ZC2HC1A: variants seen among roughly 807,000 people sequenced by gnomAD.
The protein encoded by ZC2HC1A is zinc finger C2HC-type containing 1A.
A neutral mutation model predicts 40.7 loss-of-function variants in ZC2HC1A; 28 were observed. The observed-to-expected ratio is 0.69, with a 90% CI of 0.51 to 0.94. ZC2HC1A has a LOEUF of 0.94. Ranked by LOEUF, ZC2HC1A falls within the 40% of genes least tolerant of loss-of-function variation. The probability of loss-of-function intolerance (pLI) is 0.00; values close to 1 mark genes in which losing one functional copy is unlikely to be tolerated. For missense variants in ZC2HC1A, 389 were observed against 386.3 expected, an observed-to-expected ratio of 1.01 and a Z score of -0.06; for synonymous variants, 129 against 129.2, an observed-to-expected ratio of 1.00 and a Z score of 0.01.
intron 1 of ZC2HC1A, 40 bp downstream of exon 1, chr8:78,666,204 G>A: frequency 6.4e-7 from 1 of 1,565,918 alleles, no homozygotes; most frequent in Non-Finnish European, 8.7e-7. Flanking sequence ...GGCTAGAGCG[G>A]GCCCGAAACA....
chr8:78,702,114 T>C (rs1810624885), intron 7 of ZC2HC1A, among the ~76,000 whole-genome samples: 1 of 152,170 alleles, frequency 6.6e-6, no homozygotes, highest in East Asian at 1.9e-4. Context: ...CTTTTTTCAA[T>C]TGGTAAGCTA....
chr8:78,675,312 G>A (rs569524861), intron 1 of ZC2HC1A, among the ~76,000 whole-genome samples: 1 of 151,884 alleles, frequency 6.6e-6, no homozygotes, highest in African/African-American at 2.4e-5. Context: ...TTATAGCATT[G>A]TACTTTCTAT....
intron 7 of ZC2HC1A, among the ~76,000 whole-genome samples, chr8:78,700,731 A>G (rs546945344): frequency 2.2e-4 from 34 of 152,238 alleles, no homozygotes; most frequent in African/African-American, 7.2e-4. Context: ...TTGCTAGCCA[A>G]TTATCCCAGC....
chr8:78,705,788 G>A (rs1292586490), intron 7 of ZC2HC1A, among the ~76,000 whole-genome samples: 2 of 152,152 alleles, frequency 1.3e-5, no homozygotes, highest in Non-Finnish European at 2.9e-5. Flanking sequence ...GCTGGCTGGA[G>A]GTCCCAGTTG....
chr8:78,682,311 A>G (rs1809813510), intron 3 of ZC2HC1A, among the ~76,000 whole-genome samples: 1 of 152,092 alleles, frequency 6.6e-6, no homozygotes, highest in African/African-American at 2.4e-5. Flanking sequence ...GTATTAGTCC[A>G]TTTTCCTACT....
intron 4 of ZC2HC1A, among the ~76,000 whole-genome samples, chr8:78,688,010 A>T (rs1235548353): frequency 6.8e-6 from 1 of 148,000 alleles, no homozygotes; most frequent in Non-Finnish European, 1.5e-5. Flanking sequence ...TAAAATGAGC[A>T]TGGCTGTGTT....
At chr8:78,716,768 C>T (rs1447279912) in intron 8 of ZC2HC1A, among the ~76,000 whole-genome samples, 2 of 152,158 alleles carry the variant, frequency 1.3e-5, no homozygotes, top group African/African-American at 4.8e-5. Context: ...TAACCCTCAA[C>T]GTTAGAGGAG....
intron 7 of ZC2HC1A, among the ~76,000 whole-genome samples, chr8:78,709,849 A>G (rs980075261): frequency 1.2e-4 from 19 of 152,342 alleles, no homozygotes; most frequent in African/African-American, 4.6e-4. Flanking sequence ...TTATAGCATC[A>G]TAACAACAGA....
intron 4 of ZC2HC1A, among the ~76,000 whole-genome samples, chr8:78,688,460 A>G (rs1242943329): frequency 1.3e-5 from 2 of 152,200 alleles, no homozygotes; most frequent in African/African-American, 4.8e-5. Flanking sequence ...ACTCTGTATC[A>G]AAAAAGTAAA....
chr8:78,674,717 G>A (rs1487965540), intron 1 of ZC2HC1A, among the ~76,000 whole-genome samples: 2 of 152,094 alleles, frequency 1.3e-5, no homozygotes, highest in Admixed American at 6.6e-5. Flanking sequence ...CAGTTCTTCT[G>A]TTACTGTATT....
chr8:78,668,602 C>A (rs1035748100), intron 1 of ZC2HC1A, among the ~76,000 whole-genome samples: 13 of 152,102 alleles, frequency 8.5e-5, no homozygotes, highest in Non-Finnish European at 1.5e-4. Flanking sequence ...GGTCTTTATG[C>A]TTCTTGAATA....
chr8:78,677,938 G>A (rs1488518532), intron 2 of ZC2HC1A, among the ~76,000 whole-genome samples: 2 of 152,070 alleles, frequency 1.3e-5, no homozygotes, highest in African/African-American at 4.8e-5. Flanking sequence ...AACAAGGGGT[G>A]GATTATTCAT....
rs180689481 is a variant in ZC2HC1A, at chr8:78,680,870, G to A, written c.210+2191G>A. 3.9e-5 allele frequency among the ~76,000 whole-genome samples: 6 copies of A among 152,252 alleles called. No homozygotes were observed. The East Asian group carries it at 1.2e-3, about 29-fold the overall frequency. On this transcript the variant is annotated intron_variant, in intron 3 of 8. Transcript: ENST00000263849. ...TATCTTTATCTCTTGTTTAGTATAG[G>A]CAAGACAGAAACTGGGAGGAGCTGT...
chr8:78,677,291 A>G (rs1809611968), intron 2 of ZC2HC1A, among the ~76,000 whole-genome samples: 8 of 152,080 alleles, frequency 5.3e-5, no homozygotes. Flanking sequence ...GTCATTTAAG[A>G]CAGCTTCCAT....
chr8:78,699,311 G>A (rs939194101), intron 7 of ZC2HC1A, among the ~76,000 whole-genome samples: 1 of 151,942 alleles, frequency 6.6e-6, no homozygotes, highest in African/African-American at 2.4e-5. Flanking sequence ...TATTAATATA[G>A]AGCCATATAT....
chr8:78,671,056 G>T (rs1291175870), intron 1 of ZC2HC1A, among the ~76,000 whole-genome samples: 2 of 152,196 alleles, frequency 1.3e-5, no homozygotes, highest in Non-Finnish European at 2.9e-5. Flanking sequence ...CTTACCAGCA[G>T]TGAGGAGATG....
chr8:78,675,774 C>T lies in ZC2HC1A; in HGVS notation c.17-13C>T, dbSNP rs943032748. On this transcript the variant is annotated splice_polypyrimidine_tract_variant and intron_variant, in intron 1 of 8. Transcript: ENST00000263849. The stretch of plus-strand genomic sequence containing the variant: ...GTTATATAAATTATTTATTAAATTC[C>T]TTCCTGTTTTAGAGAATGGAGGTGT... 3.8e-6 allele frequency: 6 copies of T among 1,586,300 alleles called. No individual in the cohort carries two copies. The African/African-American group carries it at 4.1e-5, about 11-fold the overall frequency.
Position 78,689,369 on chromosome 8 carries a change from A to T in ZC2HC1A, c.500A>T (p.Gln167Leu). Residue 167 changes from glutamine (Q) to leucine (L), a missense_variant, in exon 5 of 9, where the codon CAG becomes CTG. By Grantham distance (113) the Gln-to-Leu change is moderately radical (BLOSUM62 -2). Coordinates refer to ENST00000263849, the MANE Select transcript of ZC2HC1A (RefSeq NM_016010.3). ...DTKGKPTSRT[Q>L]VYKPPALKKS... Reference sequence around the variant, plus strand: ...AAAGGAAAACCAACTTCTCGGACACAGGTGGTAAGTTCAGTTTTAATAATT... The same window carrying T: ...AAAGGAAAACCAACTTCTCGGACACTGGTGGTAAGTTCAGTTTTAATAATT... The T allele has an allele frequency of 6.3e-7, 1 of 1,580,016 alleles. No homozygotes were observed. Among genetic ancestry groups the T allele is most frequent in the Non-Finnish European group, 8.6e-7 (1 of 1,165,262 alleles).
rs77066317 is a variant in ZC2HC1A, at chr8:78,698,095, C to G, written c.605-319C>G. 1.9e-3 allele frequency among the ~76,000 whole-genome samples: 286 copies of G among 152,264 alleles called. 1 individual carries two copies. The highest frequency in any genetic ancestry group is 6.6e-3 in the African/African-American group (274 of 41,570). On this transcript the variant is annotated intron_variant, in intron 6 of 8. Coordinates refer to ENST00000263849, the MANE Select transcript of ZC2HC1A (RefSeq NM_016010.3). ...TGATTCTTTGATCCAGCATTTTCCT[C>G]TCATTTTATGCTAGCTCTTCATAGC... is the stretch of plus-strand genomic sequence containing the variant.
Sources: allele counts gnomAD v4.1 joint callset (sites outside exome capture counted in the v4.1 genomes callset), GRCh38; gene constraint gnomAD v4.1.1; transcripts MANE v1.5; gene names NCBI Gene and HGNC (gene_info 2026-07-23, HGNC 2026-07-21).